The following CNTNAP2 variants were observed in gnomAD, a reference collection of about 807,000 sequenced individuals.
The protein encoded by CNTNAP2 is contactin associated protein 2, also known as contactin-associated protein-like 2.
A neutral mutation model predicts 155.2 loss-of-function variants in CNTNAP2; 98 were observed. The ratio of observed to expected loss-of-function variants is 0.63; its 90% CI spans 0.54 to 0.75. The LOEUF is 0.75. CNTNAP2 is among the 30% of genes least tolerant of loss of function. CNTNAP2 has a pLI of 0.00. For missense variants in CNTNAP2, 1,727 were observed against 1,688.1 expected, an observed-to-expected ratio of 1.02 and a Z score of -0.40; for synonymous variants, 651 against 631.2, an observed-to-expected ratio of 1.03 and a Z score of -0.47.
chr7:146,625,844 C>A (rs1799410873), intron 1 of CNTNAP2, among the ~76,000 whole-genome samples: 1 of 151,966 alleles, frequency 6.6e-6, no homozygotes, highest in Admixed American at 6.6e-5. Context: ...ATAATTTATT[C>A]CCAGTGTACT....
intron 8 of CNTNAP2, among the ~76,000 whole-genome samples, chr7:147,272,451 C>T (rs12703887): frequency 0.23 from 34,492 of 151,938 alleles, 4,295 homozygotes; most frequent in Non-Finnish European, 0.27. Context: ...TATTTGAAGA[C>T]GTTACTGTAT....
chr7:147,170,148 C>T (rs191569005), intron 8 of CNTNAP2, among the ~76,000 whole-genome samples: 1 of 152,220 alleles, frequency 6.6e-6, no homozygotes, highest in Non-Finnish European at 1.5e-5. Flanking sequence ...GAAGGCCACA[C>T]AAGACTCTGT....
At chr7:147,415,822 A>T (rs1797184126) in intron 10 of CNTNAP2, among the ~76,000 whole-genome samples, 1 of 152,306 alleles carries the variant, frequency 6.6e-6, no homozygotes, top group African/African-American at 2.4e-5. Context: ...TCATGGAAGG[A>T]GTGTAACAAG....
chr7:146,887,318 C>G (rs1795687412), intron 3 of CNTNAP2, among the ~76,000 whole-genome samples: 1 of 151,642 alleles, frequency 6.6e-6, no homozygotes, highest in Non-Finnish European at 1.5e-5. Flanking sequence ...CCAACTGATT[C>G]TGTTTTATGT....
At chr7:146,296,694 A>G (rs897989632) in intron 1 of CNTNAP2, among the ~76,000 whole-genome samples, 1 of 152,076 alleles carries the variant, frequency 6.6e-6, no homozygotes, top group Admixed American at 6.6e-5. Flanking sequence ...AACAATACAA[A>G]CAATATAAAT....
chr7:147,817,615 G>T (rs560255135), intron 13 of CNTNAP2, among the ~76,000 whole-genome samples: 134 of 152,072 alleles, frequency 8.8e-4, no homozygotes, highest in Non-Finnish European at 1.6e-3. Flanking sequence ...TTAAAAAATA[G>T]CAAAGAAGGC....
intron 1 of CNTNAP2, among the ~76,000 whole-genome samples, chr7:146,732,662 TC>T (rs2129179692): frequency 6.6e-6 from 1 of 152,228 alleles, no homozygotes; most frequent in East Asian, 1.9e-4. Context: ...AATACAGTTG[TC>T]CCTCATTATC....
intron 15 of CNTNAP2, among the ~76,000 whole-genome samples, chr7:148,027,690 G>A (rs7779961): frequency 0.084 from 12,834 of 152,134 alleles, 690 homozygotes; most frequent in East Asian, 0.29. Context: ...TTTGAGAAAC[G>A]CTGATATAAT....
At chr7:146,162,612 A>T (rs995307276) in intron 1 of CNTNAP2, among the ~76,000 whole-genome samples, 1 of 152,188 alleles carries the variant, frequency 6.6e-6, no homozygotes, top group African/African-American at 2.4e-5. Context: ...TTCCTCAAGG[A>T]TCTAGAACTA....
chr7:147,287,437 G>A (rs1805205338), intron 8 of CNTNAP2, among the ~76,000 whole-genome samples: 1 of 151,962 alleles, frequency 6.6e-6, no homozygotes, highest in African/African-American at 2.4e-5. Context: ...TGCACAGATG[G>A]GCCTTGGAGA....
intron 10 of CNTNAP2, among the ~76,000 whole-genome samples, chr7:147,463,724 T>C (rs10266370): frequency 0.78 from 118,876 of 152,096 alleles, 46,830 homozygotes; most frequent in African/African-American, 0.88. Flanking sequence ...GAGAGATTTC[T>C]AGCTAGCTCA....
At chr7:147,515,165 A>G (rs1381107562) in intron 11 of CNTNAP2, among the ~76,000 whole-genome samples, 1 of 151,914 alleles carries the variant, frequency 6.6e-6, no homozygotes, top group Non-Finnish European at 1.5e-5. Flanking sequence ...CAACTTACCT[A>G]CTGCATGGCA....
At chr7:148,352,611 C>T (rs765945107) in intron 21 of CNTNAP2, among the ~76,000 whole-genome samples, 5 of 152,196 alleles carry the variant, frequency 3.3e-5, no homozygotes, top group Non-Finnish European at 7.3e-5. Context: ...GAGCCCTGGG[C>T]AGGGGCAGGC....
At chr7:146,188,175 A>C (rs1267566005) in intron 1 of CNTNAP2, among the ~76,000 whole-genome samples, 1 of 152,216 alleles carries the variant, frequency 6.6e-6, no homozygotes, top group East Asian at 1.9e-4. Flanking sequence ...GGATAAGAAC[A>C]ACCACAAAAA....
intron 10 of CNTNAP2, among the ~76,000 whole-genome samples, chr7:147,407,001 A>G (rs1032416711): frequency 6.6e-6 from 1 of 152,200 alleles, no homozygotes; most frequent in African/African-American, 2.4e-5. Flanking sequence ...TCTTTGGCAT[A>G]GTCCCAGACA....
At chr7:147,159,994 T>C (rs1034538176) in intron 8 of CNTNAP2, among the ~76,000 whole-genome samples, 2 of 152,122 alleles carry the variant, frequency 1.3e-5, no homozygotes, top group Non-Finnish European at 2.9e-5. Flanking sequence ...CCAATGGTTT[T>C]GGTTACCTGG....
intron 6 of CNTNAP2, among the ~76,000 whole-genome samples, chr7:147,124,876 CTTTTTTTTT>C (rs371912854): frequency 2.5e-5 from 2 of 80,070 alleles, no homozygotes; most frequent in Admixed American, 3.4e-4. Flanking sequence ...CCTTTTTTTC[CTTTTTTTTT>C]TTTTTTTTTT....
intron 1 of CNTNAP2, among the ~76,000 whole-genome samples, chr7:146,469,260 C>T (rs149282513): frequency 2.0e-5 from 3 of 152,018 alleles, no homozygotes; most frequent in African/African-American, 2.4e-5. Flanking sequence ...AATCCAGCTG[C>T]CTTCCCCTCC....
intron 1 of CNTNAP2, among the ~76,000 whole-genome samples, chr7:146,163,162 A>T (rs1355785871): frequency 1.3e-5 from 2 of 152,150 alleles, no homozygotes; most frequent in Non-Finnish European, 2.9e-5. Flanking sequence ...ATAATAATAA[A>T]AAAATTAAAA....
Sources: gnomAD v4.1 joint callset for allele counts (sites outside exome capture counted in the v4.1 genomes callset) on GRCh38, gnomAD v4.1.1 for gene constraint, MANE v1.5 for transcripts, NCBI Gene and HGNC (gene_info 2026-07-23, HGNC 2026-07-21) for gene names.